CDH8: variants seen among roughly 807,000 people sequenced by gnomAD.
The protein encoded by CDH8 is cadherin 8.
CDH8 carries 17 observed loss-of-function variants against 68.1 expected under a neutral mutation model. The ratio of observed to expected loss-of-function variants is 0.25; its 90% CI spans 0.17 to 0.37. CDH8 has a LOEUF of 0.37. CDH8 is among the 10% of genes least tolerant of loss of function. CDH8 has a pLI of 1.00. For synonymous variants in CDH8, 372 were observed against 365.1 expected (o/e 1.02, Z -0.21); for missense variants, 763 against 999.3 (o/e 0.76, Z 3.19).
chr16:61,745,624 T>G (rs1054532378), intron 8 of CDH8, among the ~76,000 whole-genome samples: 13 of 151,108 alleles, frequency 8.6e-5, no homozygotes, highest in Non-Finnish European at 1.6e-4. Flanking sequence ...CTAAATCTGG[T>G]TTGCAAATCT....
At chr16:61,774,634 T>C (rs891836777) in intron 8 of CDH8, among the ~76,000 whole-genome samples, 7 of 152,080 alleles carry the variant, frequency 4.6e-5, no homozygotes, top group African/African-American at 1.7e-4. Context: ...TCCCTCATTA[T>C]ACTAATTCAT....
intron 10 of CDH8, among the ~76,000 whole-genome samples, chr16:61,695,507 T>C (rs1301792640): frequency 6.6e-6 from 1 of 152,144 alleles, no homozygotes; most frequent in African/African-American, 2.4e-5. Flanking sequence ...TGTGAAGACA[T>C]TGGGCAGAAC....
intron 2 of CDH8, among the ~76,000 whole-genome samples, chr16:62,010,509 G>A (rs1901781295): frequency 6.6e-6 from 1 of 152,150 alleles, no homozygotes; most frequent in Non-Finnish European, 1.5e-5. Context: ...ACTTTCTCCC[G>A]ATCTGGTAAT....
chr16:62,002,339 G>A (rs899680182), intron 2 of CDH8, among the ~76,000 whole-genome samples: 1 of 152,096 alleles, frequency 6.6e-6, no homozygotes, highest in Admixed American at 6.5e-5. Flanking sequence ...AAAAGTTTAG[G>A]ATTGAAATTG....
intron 8 of CDH8, among the ~76,000 whole-genome samples, chr16:61,739,185 T>C (rs780195963): frequency 1.6e-4 from 25 of 152,186 alleles, no homozygotes; most frequent in Middle Eastern, 3.2e-3. Flanking sequence ...TTATTGGAAG[T>C]GAATTTCTTG....
intron 8 of CDH8, among the ~76,000 whole-genome samples, chr16:61,730,025 A>T (rs1959490447): frequency 6.6e-6 from 1 of 151,236 alleles, no homozygotes; most frequent in Non-Finnish European, 1.5e-5. Flanking sequence ...ATATCTACAC[A>T]CTGCAGGCAA....
intron 2 of CDH8, among the ~76,000 whole-genome samples, chr16:61,908,648 T>C (rs1964105039): frequency 6.6e-6 from 1 of 152,182 alleles, no homozygotes; most frequent in Non-Finnish European, 1.5e-5. Context: ...TGGAGCTGAA[T>C]AAAGCATCAT....
At position 62,021,438 on chromosome 16, in the gene CDH8, A is replaced by G. The variant is rs1268198623; in HGVS notation, c.-35T>C. On this transcript the variant is annotated 5_prime_UTR_variant, in exon 2 of 12. Coordinates refer to ENST00000577390, the MANE Select transcript of CDH8 (RefSeq NM_001796.5). ...AGTTAAGCAAATCACCACGAAAATG[A>G]GACAATTATTTTTTTTGTCTCCGGT... 8 of 1,572,392 alleles carry G rather than the reference A, an allele frequency of 5.1e-6. No homozygotes were observed. The highest frequency in any genetic ancestry group is 1.9e-5 in the Admixed American group (1 of 53,878).
rs1181915394 is a variant in CDH8, at chr16:61,777,867, G to A, written c.1414+11479C>T. 2.0e-5 allele frequency among the ~76,000 whole-genome samples: 3 copies of A among 152,200 alleles called. No individual in the cohort carries two copies. In the East Asian group the frequency reaches 5.8e-4, roughly 29 times the overall value. On this transcript the variant is annotated intron_variant, in intron 8 of 11. Coordinates refer to ENST00000577390, the MANE Select transcript of CDH8 (RefSeq NM_001796.5). ...CTTCCCTGTAGGAAATCATGCTTTGGATGCTGATTCCCTCCCCAGGAATCT... is the reference window on the plus strand; with the variant it reads ...CTTCCCTGTAGGAAATCATGCTTTGAATGCTGATTCCCTCCCCAGGAATCT...
chr16:61,682,366 C>T (rs1964029476), intron 10 of CDH8, among the ~76,000 whole-genome samples: 1 of 151,446 alleles, frequency 6.6e-6, no homozygotes, highest in African/African-American at 2.4e-5. Flanking sequence ...CAAAAGAATC[C>T]CAAGAGATGT....
At chr16:61,720,557 G>T (rs541228430) in intron 9 of CDH8, among the ~76,000 whole-genome samples, 24 of 151,016 alleles carry the variant, frequency 1.6e-4, no homozygotes, top group Non-Finnish European at 3.0e-4. Flanking sequence ...TTGTAACCAT[G>T]CAAGATTCCC....
intron 2 of CDH8, among the ~76,000 whole-genome samples, chr16:61,905,822 G>T (rs768493754): frequency 6.6e-6 from 1 of 151,970 alleles, no homozygotes; most frequent in Non-Finnish European, 1.5e-5. Flanking sequence ...TTGAACCCCG[G>T]AGGTGGAGGT....
chr16:61,707,385 C>A (rs1596885364), intron 10 of CDH8, among the ~76,000 whole-genome samples: 2 of 152,146 alleles, frequency 1.3e-5, no homozygotes, highest in African/African-American at 2.4e-5. Flanking sequence ...AATTACCTTG[C>A]AGGTTCCCAT....
chr16:61,849,524 C>T (rs1263542888), intron 4 of CDH8, among the ~76,000 whole-genome samples: 1 of 152,232 alleles, frequency 6.6e-6, no homozygotes, highest in South Asian at 2.1e-4. Context: ...CTCTCCACTC[C>T]TGGCTTCCCA....
intron 2 of CDH8, 128 bp downstream of exon 2, chr16:62,021,024 T>A (rs1902061205): frequency 1.3e-6 from 1 of 798,818 alleles, no homozygotes; most frequent in Non-Finnish European, 2.0e-6. Context: ...GAACGACAGG[T>A]AAACTCACTA....
chr16:61,868,675 T>G (rs1351164769), intron 3 of CDH8, among the ~76,000 whole-genome samples: 1 of 152,118 alleles, frequency 6.6e-6, no homozygotes, highest in Non-Finnish European at 1.5e-5. Flanking sequence ...AACTTGCCAC[T>G]TTTTGGGGTC....
chr16:61,717,010 A>C (rs907222532), intron 9 of CDH8, among the ~76,000 whole-genome samples: 1 of 151,670 alleles, frequency 6.6e-6, no homozygotes, highest in Non-Finnish European at 1.5e-5. Flanking sequence ...GTAGAGGGCA[A>C]CTGGAGACCA....
At chr16:61,795,688 C>G (rs1961481287) in intron 7 of CDH8, among the ~76,000 whole-genome samples, 1 of 152,092 alleles carries the variant, frequency 6.6e-6, no homozygotes, top group Admixed American at 6.6e-5. Flanking sequence ...AACTACTAGT[C>G]ACATGTTTTA....
At chr16:61,772,837 G>A (rs1051252573) in intron 8 of CDH8, among the ~76,000 whole-genome samples, 1 of 151,968 alleles carries the variant, frequency 6.6e-6, no homozygotes, top group African/African-American at 2.4e-5. Context: ...AAGCCCTCCA[G>A]GTGATTCTGA....
Sources: gnomAD v4.1 joint callset for allele counts (sites outside exome capture counted in the v4.1 genomes callset) on GRCh38, gnomAD v4.1.1 for gene constraint, MANE v1.5 for transcripts, NCBI Gene and HGNC (gene_info 2026-07-23, HGNC 2026-07-21) for gene names.